The following ENOX1 variants were observed in gnomAD, a reference collection of about 807,000 sequenced individuals.
ENOX1 encodes the protein ecto-NOX disulfide-thiol exchanger 1.
A neutral mutation model predicts 82.5 loss-of-function variants in ENOX1; 42 were observed. The observed-to-expected ratio is 0.51, with a 90% CI of 0.40 to 0.66. ENOX1 has a LOEUF of 0.66. ENOX1 is among the 30% of genes least tolerant of loss of function. The pLI is 0.00. For synonymous variants in ENOX1, 271 were observed against 282.2 expected (o/e 0.96, Z 0.40); for missense variants, 608 against 811.6 (o/e 0.75, Z 3.05).
intron 11 of ENOX1, among the ~76,000 whole-genome samples, chr13:43,300,613 G>A (rs2046517506): frequency 6.6e-6 from 1 of 152,226 alleles, no homozygotes; most frequent in African/African-American, 2.4e-5. Context: ...CCAAGTGTTT[G>A]CCTGGAAGCA....
intron 16 of ENOX1, among the ~76,000 whole-genome samples, chr13:43,222,405 G>A (rs577741412): frequency 1.1e-4 from 16 of 141,250 alleles, no homozygotes; most frequent in Non-Finnish European, 1.7e-4. Flanking sequence ...ACACACACAC[G>A]CAGGCACACA....
At chr13:43,417,532 C>A (rs2054698269) in intron 3 of ENOX1, among the ~76,000 whole-genome samples, 1 of 152,056 alleles carries the variant, frequency 6.6e-6, no homozygotes, top group Non-Finnish European at 1.5e-5. Context: ...TATTGAATAC[C>A]TGCCTCTTTA....
rs1459174994 is a variant in ENOX1 at position 43,470,297 on chromosome 13, CATAT to C, written c.-75+13708_-75+13711del. Among the ~76,000 whole-genome samples the C allele has an allele frequency of 1.1e-4, 4 of 37,932 alleles. No individual in the cohort carries two copies. The South Asian group carries it at 2.9e-3, about 28-fold the overall frequency. 24.9% of individuals were successfully genotyped at this position (37,932 alleles called of 152,430 possible). A position where few individuals can be genotyped will look rare whatever the true frequency, so the allele number is the denominator to read the frequency against. ...ACATATATATACATATATATATACA[CATAT>C]ATATACATATATATACACATATATA... On this transcript the variant is annotated intron_variant, in intron 3 of 16. Transcript: ENST00000690772.
chr13:43,661,333 A>T (rs2084714614), intron 2 of ENOX1, among the ~76,000 whole-genome samples: 1 of 152,236 alleles, frequency 6.6e-6, no homozygotes, highest in Non-Finnish European at 1.5e-5. Context: ...ATGGGATGAC[A>T]GAATGAAGAG....
At chr13:43,242,229 T>A (rs977425566) in intron 14 of ENOX1, among the ~76,000 whole-genome samples, 1 of 152,250 alleles carries the variant, frequency 6.6e-6, no homozygotes, top group South Asian at 2.1e-4. Context: ...TGGCCCCTCT[T>A]AAACCATCTG....
chr13:43,387,035 G>A (rs1043013346), intron 5 of ENOX1, among the ~76,000 whole-genome samples: 9 of 152,162 alleles, frequency 5.9e-5, no homozygotes, highest in Non-Finnish European at 1.5e-5. Context: ...ATGATTTATT[G>A]AAATATTTTT....
At chr13:43,390,953 G>C (rs1034228754) in intron 5 of ENOX1, among the ~76,000 whole-genome samples, 1 of 152,000 alleles carries the variant, frequency 6.6e-6, no homozygotes, top group Non-Finnish European at 1.5e-5. Context: ...TGGCTACTAC[G>C]AATCCCTTTT....
rs567300744 is a variant in ENOX1 at position 43,730,762 on chromosome 13, C to T, written c.-285+55890G>A. ...ACGCACACTCTGTGTGATCCAGGAACTACTTGCAGCTCCCTGCAATGTCTG... is the reference window on the plus strand; with the variant it reads ...ACGCACACTCTGTGTGATCCAGGAATTACTTGCAGCTCCCTGCAATGTCTG... On this transcript the variant is annotated intron_variant, in intron 1 of 16. Transcript: ENST00000690772. Among the ~76,000 whole-genome samples the T allele has an allele frequency of 9.2e-5, 14 of 152,316 alleles. No homozygotes were observed. The South Asian group carries it at 2.7e-3, about 29-fold the overall frequency.
chr13:43,650,625 G>A (rs145254537), intron 2 of ENOX1, among the ~76,000 whole-genome samples: 1,707 of 151,086 alleles, frequency 0.011, 23 homozygotes, highest in African/African-American at 0.034. Flanking sequence ...GATCATCTGA[G>A]GTCAGGAGTT....
chr13:43,361,976 A>AT (rs2050543482), intron 5 of ENOX1, among the ~76,000 whole-genome samples: 1 of 103,214 alleles, frequency 9.7e-6, no homozygotes. Context: ...TTCCCCTGGA[A>AT]TAAAAAAAAA....
chr13:43,655,370 T>G (rs1303270625), intron 2 of ENOX1, among the ~76,000 whole-genome samples: 2 of 152,154 alleles, frequency 1.3e-5, no homozygotes, highest in East Asian at 3.9e-4. Flanking sequence ...TTTTTTGGAC[T>G]GTTAAATATG....
At chr13:43,558,530 G>GT (rs2079537723) in intron 2 of ENOX1, among the ~76,000 whole-genome samples, 1 of 152,198 alleles carries the variant, frequency 6.6e-6, no homozygotes. Flanking sequence ...TTCAGGAAAA[G>GT]TCTAGCATTT....
intron 11 of ENOX1, among the ~76,000 whole-genome samples, chr13:43,302,860 C>T (rs1393969773): frequency 6.6e-6 from 1 of 152,114 alleles, no homozygotes; most frequent in African/African-American, 2.4e-5. Flanking sequence ...AAATAGTTAG[C>T]AATATATGAA....
At chr13:43,304,835 C>T (rs2046773734) in intron 11 of ENOX1, among the ~76,000 whole-genome samples, 1 of 152,148 alleles carries the variant, frequency 6.6e-6, no homozygotes, top group Non-Finnish European at 1.5e-5. Context: ...AGAGTTTTGT[C>T]CATAGACCCA....
intron 11 of ENOX1, among the ~76,000 whole-genome samples, chr13:43,318,662 G>A (rs557308756): frequency 1.8e-4 from 28 of 152,340 alleles, no homozygotes; most frequent in African/African-American, 6.7e-4. Flanking sequence ...ATTAAGATCA[G>A]AAGAAGGGGA....
chr13:43,264,936 G>A (rs2044282741), intron 14 of ENOX1, among the ~76,000 whole-genome samples: 1 of 152,180 alleles, frequency 6.6e-6, no homozygotes, highest in South Asian at 2.1e-4. Context: ...TCTGGGTGAG[G>A]AACAGAGAAG....
At chr13:43,581,125 CTTTTTTTTT>C (rs1174448355) in intron 2 of ENOX1, among the ~76,000 whole-genome samples, 1 of 77,100 alleles carries the variant, frequency 1.3e-5, no homozygotes. Context: ...CTACCTGATT[CTTTTTTTTT>C]TTTTTTTTTT....
chr13:43,662,315 C>T (rs1164354840), intron 2 of ENOX1, among the ~76,000 whole-genome samples: 1 of 152,122 alleles, frequency 6.6e-6, no homozygotes, highest in Non-Finnish European at 1.5e-5. Context: ...TCCAGATCTG[C>T]AACTGAGAAG....
chr13:43,342,681 T>C (rs2049139369), intron 9 of ENOX1, among the ~76,000 whole-genome samples: 1 of 152,178 alleles, frequency 6.6e-6, no homozygotes, highest in South Asian at 2.1e-4. Flanking sequence ...GCTGGGGCCT[T>C]CAGTGCTGCC....
Sources: allele counts gnomAD v4.1 joint callset (sites outside exome capture counted in the v4.1 genomes callset), GRCh38; gene constraint gnomAD v4.1.1; transcripts MANE v1.5; gene names NCBI Gene and HGNC (gene_info 2026-07-23, HGNC 2026-07-21).